Variants in SMOX observed in about 807,000 individuals in gnomAD.
The protein encoded by SMOX is spermine oxidase.
A neutral mutation model predicts 51.0 loss-of-function variants in SMOX; 22 were observed. The ratio of observed to expected loss-of-function variants is 0.43; its 90% CI spans 0.31 to 0.62. The LOEUF (loss-of-function observed/expected upper bound fraction) is 0.62, where lower values mean the gene tolerates loss of function less well. Ranked by LOEUF, SMOX falls within the 20% of genes least tolerant of loss-of-function variation. SMOX has a pLI of 0.10. For synonymous variants in SMOX, 282 were observed against 307.8 expected (o/e 0.92, Z 0.88); for missense variants, 566 against 777.7 (o/e 0.73, Z 3.24).
chr20:4,177,210 G>T lies in SMOX; in HGVS notation c.209-141G>T. 1 of 728,088 alleles carries T rather than the reference G, an allele frequency of 1.4e-6. No homozygotes were observed. The highest frequency in any genetic ancestry group is 2.2e-6 in the Non-Finnish European group (1 of 445,788). The allele number at this position is 728,088 out of a possible 1,614,324, so 45.1% of individuals were successfully genotyped here. The stretch of plus-strand genomic sequence containing the variant: ...AACTTTTCACTGAGGACCTTCGTTG[G>T]TTGCCAGCAGTGGAAGTTCAAGCTC... On this transcript the variant is annotated intron_variant, in intron 2 of 6. Transcript: ENST00000305958. The surrounding 1 kb of genome is among the most constrained non-coding windows in gnomAD (Gnocchi z 4.3).
chr20:4,166,600 C>CA lies in SMOX; in HGVS notation c.-26-8429dup, dbSNP rs1201923903. On this transcript the variant is annotated intron_variant, in intron 1 of 6. Transcript: ENST00000305958. The surrounding 1 kb of genome is among the most constrained non-coding windows in gnomAD (Gnocchi z 4.2). ...GAGTAGTCTCCTGGGTCTGCCCCTA[C>CA]AGGGAGCTATAAAATCACCTTATGC... 2.6e-4 allele frequency among the ~76,000 whole-genome samples: 39 copies of CA among 152,326 alleles called. No homozygotes were observed. Among genetic ancestry groups the CA allele is most frequent in the Middle Eastern group, 3.4e-3 (1 of 294 alleles).
Position 4,187,712 on chromosome 20 carries a change from C to G in SMOX, c.*305C>G. 1 of 271,082 alleles carries G rather than the reference C, an allele frequency of 3.7e-6. No homozygotes were observed. Among genetic ancestry groups the G allele is most frequent in the Middle Eastern group, 1.1e-3 (1 of 892 alleles). The allele number at this position is 271,082 out of a possible 1,614,324, so 16.8% of individuals were successfully genotyped here. A position where few individuals can be genotyped will look rare whatever the true frequency, so the allele number is the denominator to read the frequency against. On this transcript the variant is annotated 3_prime_UTR_variant, in exon 7 of 7. Coordinates refer to ENST00000305958, the MANE Select transcript of SMOX (RefSeq NM_175839.3). This position sits in a 1 kb window ranked among gnomAD's most constrained non-coding sequence, Gnocchi z 4.8. Reference sequence around the variant, plus strand: ...CATTTTGGGATAATAAAAAAGGCTCCCTCCCCTGCCCCTCAGCTTCTCTCT... The same window carrying G: ...CATTTTGGGATAATAAAAAAGGCTCGCTCCCCTGCCCCTCAGCTTCTCTCT...
In SMOX at chr20:4,172,373, T is replaced by A. The variant is rs1030744229; in HGVS notation, c.-26-2657T>A. On this transcript the variant is annotated intron_variant, in intron 1 of 6. Transcript: ENST00000305958. The surrounding 1 kb of genome is among the most constrained non-coding windows in gnomAD (Gnocchi z 7.7). ...GGCAGACATCCGGCGGCATCGCCGC[T>A]GACCCTCCCCGCCCGCCCCGTGCAG... Among the ~76,000 whole-genome samples, 1 of 152,162 alleles carries A rather than the reference T, an allele frequency of 6.6e-6. No homozygotes were observed. Among genetic ancestry groups the A allele is most frequent in the Non-Finnish European group, 1.5e-5 (1 of 68,024 alleles).
intron 1 of SMOX, among the ~76,000 whole-genome samples, chr20:4,171,060 G>A (rs867015447): frequency 5.3e-5 from 8 of 152,166 alleles, no homozygotes; most frequent in Admixed American, 1.3e-4. Flanking sequence ...TCTGTTGCCC[G>A]CCCTCCTCCT....
intron 1 of SMOX, among the ~76,000 whole-genome samples, chr20:4,152,200 G>C (rs907226808): frequency 6.6e-6 from 1 of 152,148 alleles, no homozygotes; most frequent in Non-Finnish European, 1.5e-5. Flanking sequence ...GCTTTCTTTG[G>C]TAGAAATGCA....
rs1354905477 is a variant in SMOX, at chr20:4,182,829, G to C, written c.1350G>C (p.Glu450Asp). 3.1e-6 allele frequency: 5 copies of C among 1,607,598 alleles called. No individual in the cohort carries two copies. The highest frequency in any genetic ancestry group is 1.7e-5 in the Admixed American group (1 of 59,998). Residue 450 changes from glutamate (E) to aspartate (D), a missense_variant, in exon 5 of 7, where the codon GAG becomes GAC. Around this residue, in one of 3 missense-constraint regions of SMOX, gnomAD observed 347 missense variants for 481.8 expected, o/e 0.72. Coordinates refer to ENST00000305958, the MANE Select transcript of SMOX (RefSeq NM_175839.3). The surrounding 1 kb of genome is among the most constrained non-coding windows in gnomAD (Gnocchi z 8.4). The part of the protein sequence containing the change: ...DDEAVAEICT[E>D]MLRQFTGNPN... ...AGGCAGTGGCCGAGATCTGCACGGA[G>C]ATGCTGCGTCAGTTCACAGGTGCGC...
chr20:4,158,189 A>C lies in SMOX; in HGVS notation c.-27+9212A>C, dbSNP rs564833609. Among the ~76,000 whole-genome samples the C allele has an allele frequency of 5.1e-4, 77 of 152,250 alleles. No homozygotes were observed. The Middle Eastern group carries it at 0.014, about 27-fold the overall frequency. On this transcript the variant is annotated intron_variant, in intron 1 of 6. Coordinates refer to ENST00000305958, the MANE Select transcript of SMOX (RefSeq NM_175839.3). ...TGCTGGGATGACAGGTGTGAGCCAC[A>C]GCGCCGGTCGGGGTGTGGTATTTTA...
At chr20:4,162,804 G>C (rs1441083616) in intron 1 of SMOX, among the ~76,000 whole-genome samples, 1 of 152,228 alleles carries the variant, frequency 6.6e-6, no homozygotes, top group Non-Finnish European at 1.5e-5. Context: ...AGATCACTCA[G>C]AGCTAGACCC....
Position 4,177,466 on chromosome 20 carries a change from C to T in SMOX, c.324C>T (p.Ser108=), listed in dbSNP as rs376013725. ...AAGAGACAACCGATGGGGAACGCAG[C>T]GTGGGCCGCATCAGCCTCTATTCCA... ...LLEETTDGER[S]VGRISLYSKN... is the part of the protein sequence containing the mutation. Residue 108 remains serine, a synonymous_variant, in exon 3 of 7, where the codon AGC becomes AGT. Transcript: ENST00000305958. This position sits in a 1 kb window ranked among gnomAD's most constrained non-coding sequence, Gnocchi z 4.3. 4.4e-5 allele frequency: 70 copies of T among 1,576,046 alleles called. No individual in the cohort carries two copies. The highest frequency in any genetic ancestry group is 5.8e-5 in the Non-Finnish European group (67 of 1,159,384).
rs1476445004 is a variant in SMOX at position 4,167,272 on chromosome 20, G to A, written c.-26-7758G>A. Reference sequence around the variant, plus strand: ...AGGGTTGGGGCCAAGGTGAAGGCTGGGTTCTGAGCTCAGATGAAGATTGGG... The same window carrying A: ...AGGGTTGGGGCCAAGGTGAAGGCTGAGTTCTGAGCTCAGATGAAGATTGGG... On this transcript the variant is annotated intron_variant, in intron 1 of 6. Transcript: ENST00000305958. The surrounding 1 kb of genome is among the most constrained non-coding windows in gnomAD (Gnocchi z 4.8). 6.6e-6 allele frequency among the ~76,000 whole-genome samples: 1 copy of A among 152,118 alleles called. No individual in the cohort carries two copies. Among genetic ancestry groups the A allele is most frequent in the Non-Finnish European group, 1.5e-5 (1 of 68,016 alleles).
In SMOX at chr20:4,182,263, C is replaced by A. The variant is rs141015711; in HGVS notation, c.784C>A (p.Arg262Ser). 1 of 1,613,480 alleles carries A rather than the reference C, an allele frequency of 6.2e-7. No homozygotes were observed. Among genetic ancestry groups the A allele is most frequent in the South Asian group, 1.1e-5 (1 of 91,036 alleles). ...CGTCATCCAGCTAGGGAAACCTGTCCGCTGCATTCACTGGGACCAGGCCTC... is the reference window on the plus strand; with the variant it reads ...CGTCATCCAGCTAGGGAAACCTGTCAGCTGCATTCACTGGGACCAGGCCTC... ...AHVIQLGKPV[R>S]CIHWDQASAR... Residue 262 changes from arginine (R) to serine (S), a missense_variant, in exon 5 of 7, where the codon CGC (arginine) becomes AGC (serine). Arg to Ser is a moderately radical substitution (Grantham distance 110). This residue lies in a region of SMOX where 347 missense variants were observed against 481.8 expected (regional missense o/e 0.72). Coordinates refer to ENST00000305958, the MANE Select transcript of SMOX (RefSeq NM_175839.3). The surrounding 1 kb of genome is among the most constrained non-coding windows in gnomAD (Gnocchi z 8.4).
chr20:4,183,244 G>T lies in SMOX; in HGVS notation c.1370-250G>T. 1.7e-6 allele frequency: 1 copy of T among 594,630 alleles called. No homozygotes were observed. The allele number at this position is 594,630 out of a possible 1,614,324, so 36.8% of individuals were successfully genotyped here. A position where few individuals can be genotyped will look rare whatever the true frequency, so the allele number is the denominator to read the frequency against. On this transcript the variant is annotated intron_variant, in intron 5 of 6. Coordinates refer to ENST00000305958, the MANE Select transcript of SMOX (RefSeq NM_175839.3). The surrounding 1 kb of genome is among the most constrained non-coding windows in gnomAD (Gnocchi z 4.3). ...ATTAGGCGGGGAAACATGATTATGT[G>T]TCATGTGTTTTCAGATAGATAGGAA...
chr20:4,174,922 CCCCA>C (rs575510560), intron 1 of SMOX, 104 bp from the exon 2 acceptor site: 9 of 1,137,632 alleles, frequency 7.9e-6, no homozygotes, highest in Non-Finnish European at 1.1e-5. Context: ...CTCCAGGTCC[CCCCA>C]CCCACAACAG....
intron 1 of SMOX, among the ~76,000 whole-genome samples, chr20:4,159,375 G>T (rs1986201787): frequency 6.6e-6 from 1 of 152,202 alleles, no homozygotes; most frequent in East Asian, 1.9e-4. Context: ...ACCTCCCAAA[G>T]TGCTGAGATT....
At position 4,168,881 on chromosome 20, in the gene SMOX, CTCTATTTTAT is replaced by C. The variant is rs1278269381; in HGVS notation, c.-26-6147_-26-6138del. The stretch of plus-strand genomic sequence containing the variant: ...TCTCTCTCTCTTTTTAAAATTAATG[CTCTATTTTAT>C]TTTATTTTATTTTATTTTATTTTAT... On this transcript the variant is annotated intron_variant, in intron 1 of 6. Coordinates refer to ENST00000305958, the MANE Select transcript of SMOX (RefSeq NM_175839.3). Among the ~76,000 whole-genome samples the C allele has an allele frequency of 2.9e-3, 417 of 144,716 alleles. 2 individuals carry two copies. Among genetic ancestry groups the C allele is most frequent in the Admixed American group, 0.021 (300 of 14,614 alleles). The allele number at this position is 144,716 out of a possible 152,430, so 94.9% of individuals were successfully genotyped here.
intron 1 of SMOX, among the ~76,000 whole-genome samples, chr20:4,158,086 G>C (rs1337689511): frequency 6.7e-6 from 1 of 148,908 alleles, no homozygotes; most frequent in Non-Finnish European, 1.5e-5. Flanking sequence ...ATTTTTAGTA[G>C]AGATGGTGTT....
chr20:4,178,842 C>A (rs1029120102), intron 3 of SMOX, among the ~76,000 whole-genome samples: 1 of 152,126 alleles, frequency 6.6e-6, no homozygotes, highest in African/African-American at 2.4e-5. Flanking sequence ...TACCACCATG[C>A]CCAGCTAATT....
At chr20:4,156,500 C>T (rs1600795726) in intron 1 of SMOX, among the ~76,000 whole-genome samples, 1 of 152,140 alleles carries the variant, frequency 6.6e-6, no homozygotes, top group Non-Finnish European at 1.5e-5. Context: ...TTGGGTGTAG[C>T]AACTGCTACC....
Position 4,187,708 on chromosome 20 carries a change from G to T in SMOX, c.*301G>T, listed in dbSNP as rs180822100. ...TTTGCATTTTGGGATAATAAAAAAG[G>T]CTCCCTCCCCTGCCCCTCAGCTTCT... is the stretch of plus-strand genomic sequence containing the variant. On this transcript the variant is annotated 3_prime_UTR_variant, in exon 7 of 7. Coordinates refer to ENST00000305958, the MANE Select transcript of SMOX (RefSeq NM_175839.3). The surrounding 1 kb of genome is among the most constrained non-coding windows in gnomAD (Gnocchi z 4.8). 7.1e-6 allele frequency: 2 copies of T among 283,574 alleles called. No individual in the cohort carries two copies. Among genetic ancestry groups the T allele is most frequent in the African/African-American group, 2.2e-5 (1 of 46,324 alleles). 17.6% of individuals were successfully genotyped at this position (283,574 alleles called of 1,614,324 possible).
Sources: allele counts gnomAD v4.1 joint callset (sites outside exome capture counted in the v4.1 genomes callset), GRCh38; gene constraint gnomAD v4.1.1; regional missense constraint gnomAD v4.1.1; non-coding constraint Gnocchi (gnomAD v3.1); transcripts MANE v1.5; gene names NCBI Gene and HGNC (gene_info 2026-07-23, HGNC 2026-07-21).